CR1: variants seen among roughly 807,000 people sequenced by gnomAD.
CR1 encodes complement receptor type 1.
A neutral mutation model predicts 187.3 loss-of-function variants in CR1; 116 were observed. The ratio of observed to expected loss-of-function variants is 0.62; its 90% CI spans 0.53 to 0.72. The LOEUF is 0.72. Among genes scored for constraint, CR1 ranks in the 30% least tolerant of loss-of-function variants. The probability of loss-of-function intolerance (pLI) is 0.00; values close to 1 mark genes in which losing one functional copy is unlikely to be tolerated. For missense variants in CR1, 1,731 were observed against 2,110.7 expected, an observed-to-expected ratio of 0.82 and a Z score of 3.52; for synonymous variants, 576 against 747.1, an observed-to-expected ratio of 0.77 and a Z score of 3.73.
At chr1:207,617,606 TATATATAGAGAGAGAGAGAGAG>T (rs1271730021) in intron 41 of CR1, among the ~76,000 whole-genome samples, 487 of 18,036 alleles carry the variant, frequency 0.027, 4 homozygotes, top group South Asian at 0.055. Flanking sequence ...TATATATATA[TATATATAGAGAGAGAGAGAGAG>T]AGAGAGAGAG....
At chr1:207,592,473 C>T (rs1209111303) in intron 35 of CR1, among the ~76,000 whole-genome samples, 1 of 152,108 alleles carries the variant, frequency 6.6e-6, no homozygotes, top group Non-Finnish European at 1.5e-5. Flanking sequence ...TTATAACAAA[C>T]CCACCACTAA....
intron 4 of CR1, among the ~76,000 whole-genome samples, chr1:207,522,708 G>A (rs1660034888): frequency 6.6e-6 from 1 of 152,154 alleles, no homozygotes; most frequent in South Asian, 2.1e-4. Flanking sequence ...TATTTTATTT[G>A]AACTGTTGAG....
Position 207,616,745 on chromosome 1 carries a change from C to G in CR1, c.6832C>G (p.Gln2278Glu). 6.2e-7 allele frequency: 1 copy of G among 1,614,014 alleles called. No individual in the cohort carries two copies. The highest frequency in any genetic ancestry group is 1.1e-5 in the South Asian group (1 of 91,072). ...ESSIRCTSDP[Q>E]GNGVWSSPAP... is the part of the protein sequence containing the mutation. ...CTCCATCCGCTGCACAAGTGACCCT[C>G]AAGGGAATGGGGTTTGGAGCAGCCC... The change falls in exon 41 of 47, where the codon CAA becomes GAA. Residue 2278 changes from glutamine (Q) to glutamate (E), a missense_variant. Gln to Glu is a conservative substitution (Grantham distance 29). Around this residue, in one of 5 missense-constraint regions of CR1, gnomAD observed 1,312 missense variants for 1,379.6 expected, o/e 0.95. Coordinates refer to ENST00000367049, the MANE Select transcript of CR1 (RefSeq NM_000651.6).
At chr1:207,625,143 C>T (rs1379780305) in intron 45 of CR1, among the ~76,000 whole-genome samples, 1 of 152,198 alleles carries the variant, frequency 6.6e-6, no homozygotes, top group Non-Finnish European at 1.5e-5. Flanking sequence ...ACTCAATAAC[C>T]ATTTCATAAA....
At chr1:207,618,879 A>G (rs1034670362) in intron 42 of CR1, among the ~76,000 whole-genome samples, 1 of 151,002 alleles carries the variant, frequency 6.6e-6, no homozygotes, top group African/African-American at 2.4e-5. Flanking sequence ...CGTTTCTACT[A>G]AAAATACAAA....
In CR1 at chr1:207,506,652, T is replaced by A. The variant is rs1406563150; in HGVS notation, c.302-62T>A. The A allele has an allele frequency of 3.7e-6, 5 of 1,352,494 alleles. No homozygotes were observed. In the African/African-American group the frequency reaches 7.2e-5, roughly 19 times the overall value. 83.8% of individuals were successfully genotyped at this position (1,352,494 alleles called of 1,614,324 possible). ...AAGCTACAGGCAGGTTGAGACCTTA[T>A]GTACTAAAAAAAGTTTTTAGTTTAC... is the stretch of plus-strand genomic sequence containing the variant. On this transcript the variant is annotated intron_variant, in intron 2 of 46. Transcript: ENST00000367049.
chr1:207,576,888 T>C (rs985974811), intron 28 of CR1, among the ~76,000 whole-genome samples: 1 of 152,166 alleles, frequency 6.6e-6, no homozygotes, highest in Non-Finnish European at 1.5e-5. Context: ...ATGCCTTCTA[T>C]ATAGAGAGAA....
At chr1:207,638,725 G>A (rs1662890623) in intron 46 of CR1, among the ~76,000 whole-genome samples, 1 of 152,182 alleles carries the variant, frequency 6.6e-6, no homozygotes, top group African/African-American at 2.4e-5. Flanking sequence ...ATAACCAATT[G>A]AATTTCGCCA....
chr1:207,623,242 A>T (rs977692922), intron 45 of CR1, among the ~76,000 whole-genome samples, 174 bp downstream of exon 45: 3 of 151,066 alleles, frequency 2.0e-5, no homozygotes, highest in Non-Finnish European at 2.9e-5. Context: ...TAAAGGAAGT[A>T]TATAGGATAC....
rs56044498 is a variant in CR1, at chr1:207,498,877, C to CAAAAAAA, written c.121+2499_121+2505dup. On this transcript the variant is annotated intron_variant, in intron 1 of 46. Transcript: ENST00000367049. ...TGGGTGACAGAGCGCAACTCCAAATCAAAAAAAAAAAAAAAAGAAACAAAC... is the reference window on the plus strand; with the variant it reads ...TGGGTGACAGAGCGCAACTCCAAATCAAAAAAAAAAAAAAAAAAAAAAAGAAACAAAC... 5.2e-3 allele frequency among the ~76,000 whole-genome samples: 258 copies of CAAAAAAA among 50,088 alleles called. 15 individuals are homozygous for CAAAAAAA. Among genetic ancestry groups the CAAAAAAA allele is most frequent in the African/African-American group, 0.01 (151 of 14,466 alleles). 32.9% of individuals were successfully genotyped at this position (50,088 alleles called of 152,430 possible). A position where few individuals can be genotyped will look rare whatever the true frequency, so the allele number is the denominator to read the frequency against.
At chr1:207,574,861 A>G (rs183375351) in intron 27 of CR1, among the ~76,000 whole-genome samples, 24 of 152,370 alleles carry the variant, frequency 1.6e-4, no homozygotes, top group Admixed American at 3.9e-4. Context: ...AATTATTAGA[A>G]TAACTAAAAC....
chr1:207,596,041 ATATATC>A (rs1001744110), intron 35 of CR1, among the ~76,000 whole-genome samples: 2 of 142,008 alleles, frequency 1.4e-5, no homozygotes, highest in African/African-American at 2.6e-5. Flanking sequence ...TATAAAATCT[ATATATC>A]TATATCTATA....
At chr1:207,625,287 C>T (rs1454157889) in intron 45 of CR1, among the ~76,000 whole-genome samples, 2 of 152,138 alleles carry the variant, frequency 1.3e-5, no homozygotes, top group Non-Finnish European at 2.9e-5. Flanking sequence ...GTCCATGGCA[C>T]AACCATTCTC....
chr1:207,632,658 C>T (rs1645421483), intron 46 of CR1, among the ~76,000 whole-genome samples: 1 of 151,854 alleles, frequency 6.6e-6, no homozygotes, highest in South Asian at 2.1e-4. Flanking sequence ...TTTAGCCAGG[C>T]GTGGTGGTGG....
chr1:207,623,419 TA>T (rs1379710352), intron 45 of CR1, among the ~76,000 whole-genome samples: 1 of 152,062 alleles, frequency 6.6e-6, no homozygotes, highest in African/African-American at 2.4e-5. Context: ...CTGTCTCTAC[TA>T]AACATACACA....
chr1:207,578,807 C>T (rs1328494869), intron 29 of CR1, among the ~76,000 whole-genome samples: 1 of 152,194 alleles, frequency 6.6e-6, no homozygotes. Context: ...TCAGAATAGA[C>T]AAAGACCTTA....
At chr1:207,509,097 T>C (rs1659537826) in intron 3 of CR1, among the ~76,000 whole-genome samples, 1 of 152,238 alleles carries the variant, frequency 6.6e-6, no homozygotes, top group Non-Finnish European at 1.5e-5. Flanking sequence ...ATTTGTTTTT[T>C]ATTCTCATTT....
intron 24 of CR1, among the ~76,000 whole-genome samples, chr1:207,567,020 C>T (rs1294797316): frequency 6.7e-6 from 1 of 150,226 alleles, no homozygotes; most frequent in African/African-American, 2.5e-5. Flanking sequence ...AATGAAAGCT[C>T]ATTAACTGGA....
At chr1:207,496,555 C>T (rs542761897) in intron 1 of CR1, among the ~76,000 whole-genome samples, 167 bp downstream of exon 1, 1 of 152,346 alleles carries the variant, frequency 6.6e-6, no homozygotes, top group South Asian at 2.1e-4. Flanking sequence ...GGTGTAGGAT[C>T]CTTCTGCGCA....
Sources: gnomAD v4.1 joint callset for allele counts (sites outside exome capture counted in the v4.1 genomes callset) on GRCh38, gnomAD v4.1.1 for gene constraint, gnomAD v4.1.1 regional missense constraint, MANE v1.5 for transcripts, NCBI Gene and HGNC (gene_info 2026-07-23, HGNC 2026-07-21) for gene names.